The following GRM8 variants were observed in gnomAD, a reference collection of about 807,000 sequenced individuals.
GRM8 encodes the protein metabotropic glutamate receptor 8.
GRM8 carries 47 observed loss-of-function variants against 87.2 expected under a neutral mutation model. The ratio of observed to expected loss-of-function variants is 0.54; its 90% CI spans 0.43 to 0.69. The LOEUF is 0.69. Among genes scored for constraint, GRM8 ranks in the 30% least tolerant of loss-of-function variants. GRM8 has a pLI of 0.00. For synonymous variants in GRM8, 396 were observed against 404.5 expected (o/e 0.98, Z 0.25); for missense variants, 1,019 against 1,139.2 (o/e 0.89, Z 1.52).
chr7:126,950,091 T>C (rs1308285780), intron 3 of GRM8, among the ~76,000 whole-genome samples: 1 of 152,162 alleles, frequency 6.6e-6, no homozygotes, highest in African/African-American at 2.4e-5. Context: ...TCTAGGTAAG[T>C]ACTTGGAAAA....
intron 6 of GRM8, among the ~76,000 whole-genome samples, chr7:126,831,481 C>T (rs944522203): frequency 3.3e-5 from 5 of 152,212 alleles, no homozygotes; most frequent in African/African-American, 7.2e-5. Flanking sequence ...AGAGAGACTC[C>T]GTGGGCGTAG....
intron 3 of GRM8, among the ~76,000 whole-genome samples, chr7:126,922,782 C>G (rs1467792081): frequency 6.6e-6 from 1 of 152,038 alleles, no homozygotes; most frequent in African/African-American, 2.4e-5. Flanking sequence ...AACATCCACC[C>G]TTGCTACTGT....
chr7:127,075,619 A>T (rs1011861352), intron 3 of GRM8, among the ~76,000 whole-genome samples: 2 of 152,108 alleles, frequency 1.3e-5, no homozygotes, highest in Admixed American at 6.6e-5. Context: ...TTTGAATGGG[A>T]TAATGTGGAG....
chr7:126,533,664 G>A lies in GRM8; in HGVS notation c.1718C>T (p.Pro573Leu). ...NMNRTGCQLI[P>L]IIKLEWHSPW... ...AGAATGCCACTCCAATTTGATGATG[G>A]GGATAAGCTGGCAGCCTGTGCGGTT... The change falls in exon 9 of 11, where the codon CCC becomes CTC. Residue 573 changes from proline to leucine, a missense_variant. Physicochemically the swap from Pro to Leu is moderately conservative, Grantham distance 98. Transcript: ENST00000339582. 2.5e-6 allele frequency: 4 copies of A among 1,614,020 alleles called. No homozygotes were observed. The highest frequency in any genetic ancestry group is 3.4e-6 in the Non-Finnish European group (4 of 1,179,946).
At chr7:127,195,829 C>G (rs929639914) in intron 2 of GRM8, among the ~76,000 whole-genome samples, 5 of 152,146 alleles carry the variant, frequency 3.3e-5, no homozygotes, top group African/African-American at 1.2e-4. Context: ...CTATCCACCC[C>G]CTTCCGCAAA....
chr7:127,032,407 G>C (rs1255488967), intron 3 of GRM8, among the ~76,000 whole-genome samples: 1 of 152,094 alleles, frequency 6.6e-6, no homozygotes. Context: ...GCATTTCAGA[G>C]GAGTGAGCTC....
At chr7:126,691,913 T>C (rs1051449771) in intron 7 of GRM8, among the ~76,000 whole-genome samples, 2 of 152,214 alleles carry the variant, frequency 1.3e-5, no homozygotes, top group Admixed American at 1.3e-4. Context: ...TTCGGGCCCT[T>C]TTAAATGCAA....
intron 7 of GRM8, among the ~76,000 whole-genome samples, chr7:126,762,551 A>C (rs920457774): frequency 2.0e-5 from 3 of 152,232 alleles, no homozygotes; most frequent in Admixed American, 2.0e-4. Context: ...GAAAAACGTT[A>C]ATTCTTTCTG....
chr7:126,990,963 T>C (rs528115819), intron 3 of GRM8, among the ~76,000 whole-genome samples: 82 of 152,336 alleles, frequency 5.4e-4, no homozygotes, highest in African/African-American at 1.9e-3. Flanking sequence ...CATCATTATA[T>C]ATAGTTTAAC....
At chr7:126,600,581 C>A (rs1797642912) in intron 8 of GRM8, among the ~76,000 whole-genome samples, 1 of 152,124 alleles carries the variant, frequency 6.6e-6, no homozygotes, top group Admixed American at 6.6e-5. Flanking sequence ...AATCTTGGAT[C>A]ATCCATCTAT....
chr7:127,018,398 G>GA (rs1436775807), intron 3 of GRM8, among the ~76,000 whole-genome samples: 1 of 146,910 alleles, frequency 6.8e-6, no homozygotes, highest in Non-Finnish European at 1.5e-5. Flanking sequence ...AGAGCCCCCT[G>GA]AAAATCTTAA....
chr7:127,037,787 T>C (rs577580922), intron 3 of GRM8, among the ~76,000 whole-genome samples: 5 of 151,874 alleles, frequency 3.3e-5, no homozygotes, highest in Admixed American at 3.3e-4. Context: ...TCATAGCTAG[T>C]CAGATGCTGA....
At chr7:127,031,779 T>G (rs1159546963) in intron 3 of GRM8, among the ~76,000 whole-genome samples, 3 of 152,140 alleles carry the variant, frequency 2.0e-5, no homozygotes, top group Admixed American at 1.3e-4. Context: ...CTTTGTACCT[T>G]TGTTGAAAAT....
intron 7 of GRM8, among the ~76,000 whole-genome samples, chr7:126,650,706 C>A (rs10808224): frequency 0.31 from 46,475 of 151,310 alleles, 7,988 homozygotes; most frequent in East Asian, 0.43. Flanking sequence ...ATATTTGTAT[C>A]CCAAGTGAGC....
chr7:126,796,165 AC>A (rs925275492), intron 6 of GRM8, among the ~76,000 whole-genome samples: 4 of 152,126 alleles, frequency 2.6e-5, no homozygotes, highest in Non-Finnish European at 4.4e-5. Context: ...AAGAAAGAAC[AC>A]AAATTAATTA....
intron 8 of GRM8, among the ~76,000 whole-genome samples, chr7:126,601,259 A>AT (rs1797727448): frequency 1.3e-5 from 2 of 151,962 alleles, no homozygotes; most frequent in South Asian, 4.2e-4. Flanking sequence ...AACGACATGA[A>AT]CTCATCATTT....
intron 6 of GRM8, among the ~76,000 whole-genome samples, chr7:126,826,080 A>T (rs1293968521): frequency 6.6e-6 from 1 of 152,112 alleles, no homozygotes; most frequent in Non-Finnish European, 1.5e-5. Flanking sequence ...ATAGTGTTCC[A>T]TTGTGTATAT....
At chr7:126,442,154 C>T (rs947010619) in intron 10 of GRM8, among the ~76,000 whole-genome samples, 1 of 151,982 alleles carries the variant, frequency 6.6e-6, no homozygotes, top group Non-Finnish European at 1.5e-5. Context: ...ACCAGCCTCC[C>T]TCCCTCCTTT....
chr7:126,887,164 G>C (rs1370581126), intron 6 of GRM8, among the ~76,000 whole-genome samples: 1 of 152,066 alleles, frequency 6.6e-6, no homozygotes, highest in East Asian at 1.9e-4. Flanking sequence ...TAGAGAGAAA[G>C]AATCAACTAG....
Sources: allele counts gnomAD v4.1 joint callset (sites outside exome capture counted in the v4.1 genomes callset), GRCh38; gene constraint gnomAD v4.1.1; transcripts MANE v1.5; gene names NCBI Gene and HGNC (gene_info 2026-07-23, HGNC 2026-07-21).